The following SYTL5 variants were observed in gnomAD, a reference collection of about 807,000 sequenced individuals.
The protein encoded by SYTL5 is synaptotagmin-like protein 5.
Under a neutral mutation model 55.9 loss-of-function variants are expected in SYTL5, and 34 were observed. The ratio of observed to expected loss-of-function variants is 0.61; its 90% confidence interval spans 0.46 to 0.81. SYTL5 has a LOEUF of 0.81. Ranked by LOEUF, SYTL5 falls within the 30% of genes least tolerant of loss-of-function variation. The pLI, the probability that SYTL5 is intolerant of heterozygous loss-of-function variation, is 0.00. For synonymous variants in SYTL5, 221 were observed against 188.7 expected, an observed-to-expected ratio of 1.17 and a Z score of -1.40; for missense variants, 637 against 546.7, an observed-to-expected ratio of 1.17 and a Z score of -1.65.
chrX:37,916,132 T>C, the SYTL5 span, among the ~76,000 whole-genome samples: 1 of 112,072 alleles, frequency 8.9e-6, no homozygotes, highest in African/African-American at 3.2e-5. Context: ...TCAAAGGATC[T>C]GATCTTGCTC....
intron 7 of SYTL5, among the ~76,000 whole-genome samples, chrX:38,093,380 G>A (rs2031543873): frequency 8.9e-6 from 1 of 111,804 alleles, no homozygotes; most frequent in African/African-American, 3.3e-5. Flanking sequence ...TGAAAAATCT[G>A]TTTTAGATTT....
intron 13 of SYTL5, among the ~76,000 whole-genome samples, chrX:38,112,299 C>G (rs1164665465): frequency 9.0e-6 from 1 of 111,552 alleles, no homozygotes; most frequent in Non-Finnish European, 1.9e-5. Flanking sequence ...AACCCTTCAT[C>G]AATAACTGAT....
chrX:37,958,574 T>C, the SYTL5 span, among the ~76,000 whole-genome samples: 1 of 111,933 alleles, frequency 8.9e-6, no homozygotes, highest in East Asian at 2.8e-4. Flanking sequence ...ATTCTGCCCC[T>C]GGCCCCCAAA....
chrX:37,990,812 C>G, the SYTL5 span: 8 of 1,167,063 alleles, frequency 6.9e-6, no homozygotes, highest in African/African-American at 1.4e-4. Context: ...TCAAGCAGAG[C>G]TGATGAGAGC....
intron 7 of SYTL5, among the ~76,000 whole-genome samples, chrX:38,090,976 CAA>C (rs933991327): frequency 8.9e-6 from 1 of 112,295 alleles, no homozygotes; most frequent in African/African-American, 3.2e-5. Flanking sequence ...GAAATGAATC[CAA>C]AGAGGTCATA....
chrX:38,020,988 C>A (rs1441859613), intron 1 of SYTL5, among the ~76,000 whole-genome samples: 1 of 111,321 alleles, frequency 9.0e-6, no homozygotes, highest in Non-Finnish European at 1.9e-5. Context: ...AAGCCCATAC[C>A]CTTTCCTCTA....
chrX:37,947,508 T>C, the SYTL5 span, among the ~76,000 whole-genome samples: 2 of 112,114 alleles, frequency 1.8e-5, no homozygotes, highest in Non-Finnish European at 1.9e-5. Flanking sequence ...GTAAGTTTCC[T>C]GATGCCTCCC....
the SYTL5 span, among the ~76,000 whole-genome samples, chrX:37,906,849 C>T: frequency 2.7e-5 from 3 of 112,020 alleles, no homozygotes; most frequent in East Asian, 8.3e-4. Flanking sequence ...CAGTGAGGAC[C>T]TATTCTGTTT....
intron 2 of SYTL5, among the ~76,000 whole-genome samples, chrX:38,046,449 G>A (rs1484093636): frequency 9.0e-6 from 1 of 111,378 alleles, no homozygotes; most frequent in Non-Finnish European, 1.9e-5. Context: ...CTTTATAAAA[G>A]CATCAGATCT....
At chrX:38,042,574 C>T (rs1935318841) in intron 2 of SYTL5, among the ~76,000 whole-genome samples, 1 of 111,731 alleles carries the variant, frequency 9.0e-6, no homozygotes, top group Admixed American at 9.6e-5. Flanking sequence ...TTTTACTACC[C>T]TTTCCCTTCC....
At chrX:37,997,121 G>A in the SYTL5 span, among the ~76,000 whole-genome samples, 4 of 112,650 alleles carry the variant, frequency 3.6e-5, no homozygotes, top group Non-Finnish European at 7.5e-5. Context: ...CCATTAAGAC[G>A]AGATATTTAG....
chrX:38,023,232 C>T (rs1305837012), intron 1 of SYTL5, among the ~76,000 whole-genome samples: 2 of 112,106 alleles, frequency 1.8e-5, no homozygotes, highest in Non-Finnish European at 3.8e-5. Flanking sequence ...AGCACATTCT[C>T]CATCTTCCCT....
At chrX:37,974,824 A>T in the SYTL5 span, among the ~76,000 whole-genome samples, 1 of 112,412 alleles carries the variant, frequency 8.9e-6, no homozygotes, top group Non-Finnish European at 1.9e-5. Context: ...CTTCCACTGA[A>T]GGTGAAGGGC....
chrX:38,126,552 T>C lies in SYTL5; in HGVS notation c.2051-36T>C, dbSNP rs774910186. 5.8e-6 allele frequency: 7 copies of C among 1,205,760 alleles called. No homozygotes were observed. In the Admixed American group the frequency reaches 1.5e-4, roughly 26 times the overall value. ...CCTTGCAGGAGAGCAAAGCATTTCA[T>C]GTGTGACATAAAATTTTCCCGTTTC... On this transcript the variant is annotated intron_variant, in intron 16 of 16. Coordinates refer to ENST00000297875, the MANE Select transcript of SYTL5 (RefSeq NM_138780.3).
the SYTL5 span, among the ~76,000 whole-genome samples, chrX:37,892,057 A>G: frequency 8.9e-6 from 1 of 111,794 alleles, no homozygotes; most frequent in South Asian, 3.7e-4. Context: ...GAACTCTGGG[A>G]AAACAAAGAC....
At chrX:37,985,456 TAGGA>T in the SYTL5 span, among the ~76,000 whole-genome samples, 1 of 111,259 alleles carries the variant, frequency 9.0e-6, no homozygotes, top group African/African-American at 3.2e-5. Context: ...ATAAAATATT[TAGGA>T]ATAAATATCA....
At position 38,079,699 on chromosome X, in the gene SYTL5, G is replaced by T. The variant is rs180871634; in HGVS notation, c.689+2998G>T. Among the ~76,000 whole-genome samples the T allele has an allele frequency of 3.2e-4, 36 of 112,040 alleles. No individual in the cohort carries two copies. In the East Asian group the frequency reaches 9.5e-3, roughly 30 times the overall value. On this transcript the variant is annotated intron_variant, in intron 6 of 16. Transcript: ENST00000297875. ...AAGGGAGTAGGAGAGACAGAATAGAGAAGAGGAAGAAGCTAAACAATGGTG... is the reference window on the plus strand; with the variant it reads ...AAGGGAGTAGGAGAGACAGAATAGATAAGAGGAAGAAGCTAAACAATGGTG...
At chrX:38,071,452 C>T (rs748616363) in intron 3 of SYTL5, among the ~76,000 whole-genome samples, 2 of 111,815 alleles carry the variant, frequency 1.8e-5, no homozygotes, top group East Asian at 5.6e-4. Context: ...AGCATGGGTG[C>T]CATCATCTGT....
At chrX:37,948,727 T>C in the SYTL5 span, among the ~76,000 whole-genome samples, 1 of 111,453 alleles carries the variant, frequency 9.0e-6, no homozygotes, top group African/African-American at 3.3e-5. Flanking sequence ...TCACTTAACA[T>C]AATGTTCTCC....
Sources: gnomAD v4.1 joint callset for allele counts (sites outside exome capture counted in the v4.1 genomes callset) on GRCh38, gnomAD v4.1.1 for gene constraint, MANE v1.5 for transcripts, NCBI Gene and HGNC (gene_info 2026-07-23, HGNC 2026-07-21) for gene names.